Variants in AGBL4 observed in about 807,000 individuals in gnomAD.
AGBL4 encodes cytosolic carboxypeptidase 6.
A neutral mutation model predicts 66.4 loss-of-function variants in AGBL4; 58 were observed. The observed-to-expected ratio is 0.87, with a 90% CI of 0.71 to 1.09. The LOEUF (loss-of-function observed/expected upper bound fraction) is 1.09, where lower values mean the gene tolerates loss of function less well. AGBL4 is among the 50% of genes least tolerant of loss of function. The probability of loss-of-function intolerance (pLI) is 0.00; values close to 1 mark genes in which losing one functional copy is unlikely to be tolerated. For synonymous variants in AGBL4, 234 were observed against 222.9 expected (o/e 1.05, Z -0.44); for missense variants, 579 against 631.0 (o/e 0.92, Z 0.88).
At chr1:49,373,978 T>C (rs75535702) in intron 3 of AGBL4, among the ~76,000 whole-genome samples, 8,063 of 152,196 alleles carry the variant, frequency 0.053, 245 homozygotes, top group African/African-American at 0.07. Context: ...TTATTTATAC[T>C]ATACATAAAA....
intron 3 of AGBL4, among the ~76,000 whole-genome samples, chr1:49,688,186 C>G (rs968910818): frequency 1.3e-5 from 2 of 152,124 alleles, no homozygotes; most frequent in African/African-American, 4.8e-5. Context: ...TATTATTATA[C>G]CCACTTCCAC....
intron 4 of AGBL4, among the ~76,000 whole-genome samples, chr1:49,113,278 T>C (rs138291580): frequency 1.3e-5 from 2 of 151,948 alleles, no homozygotes; most frequent in African/African-American, 4.8e-5. Context: ...GGAGTTTTGC[T>C]CTGTCACCCA....
chr1:49,629,915 T>C lies in AGBL4; in HGVS notation c.282+67398A>G, dbSNP rs146772329. On this transcript the variant is annotated intron_variant, in intron 3 of 13. Transcript: ENST00000371839. ...AAATCAACCATTCTCCATTCTTGCC[T>C]CTTTCTTATTGTGGATTTAATCAGC... Among the ~76,000 whole-genome samples the C allele has an allele frequency of 3.7e-3, 563 of 152,276 alleles. 2 individuals are homozygous for C. Among genetic ancestry groups the C allele is most frequent in the Non-Finnish European group, 6.3e-3 (431 of 68,020 alleles).
intron 2 of AGBL4, among the ~76,000 whole-genome samples, chr1:49,734,377 T>A (rs1315373495): frequency 6.6e-6 from 1 of 152,012 alleles, no homozygotes; most frequent in African/African-American, 2.4e-5. Context: ...TCACAGATGA[T>A]GTGATCCTAT....
chr1:48,897,008 T>C (rs1266605419), intron 5 of AGBL4, among the ~76,000 whole-genome samples: 1 of 152,234 alleles, frequency 6.6e-6, no homozygotes, highest in Non-Finnish European at 1.5e-5. Context: ...TTTACACTTA[T>C]TAACATTGAT....
intron 6 of AGBL4, among the ~76,000 whole-genome samples, chr1:48,812,864 A>G (rs1403899662): frequency 6.6e-6 from 1 of 152,112 alleles, no homozygotes; most frequent in Non-Finnish European, 1.5e-5. Flanking sequence ...GCAAGGACAA[A>G]AAACCAAACA....
intron 1 of AGBL4, among the ~76,000 whole-genome samples, chr1:49,980,952 A>T: frequency 6.6e-6 from 1 of 152,160 alleles, no homozygotes; most frequent in African/African-American, 2.4e-5. Flanking sequence ...TTGTTTTCTA[A>T]GAGTTCACTT....
intron 6 of AGBL4, among the ~76,000 whole-genome samples, chr1:48,861,634 C>T (rs1647484670): frequency 6.6e-6 from 1 of 152,160 alleles, no homozygotes; most frequent in African/African-American, 2.4e-5. Flanking sequence ...GCTGTTGCAT[C>T]CTCTATATGG....
intron 2 of AGBL4, among the ~76,000 whole-genome samples, chr1:49,743,047 A>C (rs1026912453): frequency 6.6e-6 from 1 of 152,226 alleles, no homozygotes; most frequent in Non-Finnish European, 1.5e-5. Context: ...CAAAATTGAC[A>C]AATGGGATCT....
chr1:49,798,048 C>A (rs1419590574), intron 2 of AGBL4, among the ~76,000 whole-genome samples: 1 of 152,076 alleles, frequency 6.6e-6, no homozygotes, highest in Non-Finnish European at 1.5e-5. Context: ...CCTTGCCCGG[C>A]CAATTATCAT....
intron 11 of AGBL4, among the ~76,000 whole-genome samples, chr1:48,581,340 C>G (rs1360034453): frequency 1.3e-5 from 2 of 152,186 alleles, no homozygotes; most frequent in African/African-American, 2.4e-5. Flanking sequence ...CAGCCATACC[C>G]TTCCCCTTAA....
intron 3 of AGBL4, among the ~76,000 whole-genome samples, chr1:49,308,239 G>T (rs577539963): frequency 1.3e-5 from 2 of 152,222 alleles, no homozygotes; most frequent in South Asian, 4.2e-4. Context: ...CTTTACAGCA[G>T]TCCAAGAACA....
chr1:48,730,734 T>C (rs1201634834), intron 6 of AGBL4, among the ~76,000 whole-genome samples: 4 of 152,200 alleles, frequency 2.6e-5, no homozygotes, highest in Admixed American at 2.6e-4. Context: ...TTGCCGGGAA[T>C]GTCTCCCTCT....
intron 1 of AGBL4, among the ~76,000 whole-genome samples, chr1:49,987,337 T>C (rs1659580976): frequency 6.6e-6 from 1 of 152,196 alleles, no homozygotes; most frequent in South Asian, 2.1e-4. Flanking sequence ...ATTTTTACAT[T>C]AGCCCTATGA....
chr1:49,433,069 C>G (rs1194909438), intron 3 of AGBL4, among the ~76,000 whole-genome samples: 2 of 152,136 alleles, frequency 1.3e-5, no homozygotes, highest in African/African-American at 4.8e-5. Flanking sequence ...GGGTGGTACA[C>G]CTGGAGACGT....
intron 2 of AGBL4, among the ~76,000 whole-genome samples, chr1:49,754,512 C>A (rs1350891318): frequency 3.3e-5 from 5 of 152,080 alleles, no homozygotes; most frequent in African/African-American, 1.2e-4. Context: ...CTGGATGTCA[C>A]CAGTGCAGCC....
chr1:49,626,139 C>A (rs558111517), intron 3 of AGBL4, among the ~76,000 whole-genome samples: 1 of 152,228 alleles, frequency 6.6e-6, no homozygotes, highest in East Asian at 1.9e-4. Context: ...AGAATGCAGT[C>A]CATATAAAGG....
At chr1:49,114,690 G>A (rs1482629766) in intron 4 of AGBL4, among the ~76,000 whole-genome samples, 1 of 152,070 alleles carries the variant, frequency 6.6e-6, no homozygotes, top group Non-Finnish European at 1.5e-5. Flanking sequence ...TGAACACTCA[G>A]AGACCACTGG....
chr1:49,904,053 T>C (rs1188420591), intron 1 of AGBL4, among the ~76,000 whole-genome samples: 1 of 152,192 alleles, frequency 6.6e-6, no homozygotes, highest in Non-Finnish European at 1.5e-5. Flanking sequence ...CATCAGCCAC[T>C]CTGATAGATG....
Sources: allele counts gnomAD v4.1 joint callset (sites outside exome capture counted in the v4.1 genomes callset), GRCh38; gene constraint gnomAD v4.1.1; transcripts MANE v1.5; gene names NCBI Gene and HGNC (gene_info 2026-07-23, HGNC 2026-07-21).